Variants in MYO18B observed in about 807,000 individuals in gnomAD.
The protein encoded by MYO18B is unconventional myosin-XVIIIb.
A neutral mutation model predicts 273.0 loss-of-function variants in MYO18B; 204 were observed. The observed-to-expected ratio is 0.75, with a 90% CI of 0.67 to 0.84. MYO18B has a LOEUF of 0.84. Ranked by LOEUF, MYO18B falls within the 40% of genes least tolerant of loss-of-function variation. The probability of loss-of-function intolerance (pLI) is 0.00; values close to 1 mark genes in which losing one functional copy is unlikely to be tolerated. For missense variants in MYO18B, 3,212 were observed against 3,287.6 expected (o/e 0.98, Z 0.56); for synonymous variants, 1,330 against 1,305.7 (o/e 1.02, Z -0.40).
In MYO18B at chr22:25,898,458, A is replaced by G. The variant is rs1420535449; in HGVS notation, c.4820A>G (p.Lys1607Arg). The G allele has an allele frequency of 6.2e-7, 1 of 1,613,524 alleles. No homozygotes were observed. Among genetic ancestry groups the G allele is most frequent in the African/African-American group, 1.3e-5 (1 of 75,032 alleles). ...AACCATGAGCTGGAGAAGAAGCAGAAGAAGTGAGTTGCATCTCTCACCATC... is the reference window on the plus strand; with the variant it reads ...AACCATGAGCTGGAGAAGAAGCAGAGGAAGTGAGTTGCATCTCTCACCATC... ...SRNHELEKKQ[K>R]KFDLQLAQAL... The change falls in exon 29 of 44, where the codon AAG (lysine) becomes AGG (arginine). Residue 1607 changes from lysine (K) to arginine (R), a missense_variant. Physicochemically the swap from Lys to Arg is conservative, Grantham distance 26. Transcript: ENST00000335473.
chr22:25,761,403 G>A (rs950444079), intron 2 of MYO18B, among the ~76,000 whole-genome samples: 8 of 152,036 alleles, frequency 5.3e-5, no homozygotes, highest in Non-Finnish European at 1.2e-4. Flanking sequence ...GTGGTGGGGG[G>A]TGGTAGACCA....
chr22:25,899,700 T>A (rs1224539398), intron 29 of MYO18B: 1 of 152,112 alleles, frequency 6.6e-6, no homozygotes, highest in African/African-American at 2.4e-5. Context: ...CTGTGGGTGC[T>A]CTGGCTGAAC....
In MYO18B at chr22:25,994,782, G is replaced by A. The variant is rs377068446; in HGVS notation, c.6287+2289G>A. ...CTTTTGTCAATATTACTTGTTTGATGCTTGGGCTGGCTTCTCCATTCATAG... is the reference window on the plus strand; with the variant it reads ...CTTTTGTCAATATTACTTGTTTGATACTTGGGCTGGCTTCTCCATTCATAG... On this transcript the variant is annotated intron_variant, in intron 40 of 43. Transcript: ENST00000335473. Among the ~76,000 whole-genome samples the A allele has an allele frequency of 1.0e-3, 155 of 152,334 alleles. 4 individuals are homozygous for A. In the South Asian group the frequency reaches 0.031, roughly 31 times the overall value.
intron 29 of MYO18B, among the ~76,000 whole-genome samples, chr22:25,902,334 TTATAAG>T (rs977123320): frequency 1.6e-4 from 25 of 152,284 alleles, no homozygotes; most frequent in African/African-American, 5.3e-4. Context: ...AAATCTAGAA[TTATAAG>T]TATATCGAAT....
chr22:25,915,046 T>A lies in MYO18B; in HGVS notation c.5364+3996T>A, dbSNP rs371749717. ...GGGGCAACAAAGATCTCAACAAATTTAAAAAAAAAAATGTTATACTTTCTA... is the reference window on the plus strand; with the variant it reads ...GGGGCAACAAAGATCTCAACAAATTAAAAAAAAAAAATGTTATACTTTCTA... On this transcript the variant is annotated intron_variant, in intron 33 of 43. Transcript: ENST00000335473. Among the ~76,000 whole-genome samples the A allele has an allele frequency of 3.5e-3, 512 of 148,288 alleles. 1 individual carries two copies. Among genetic ancestry groups the A allele is most frequent in the African/African-American group, 0.011 (438 of 40,342 alleles).
the MYO18B span, among the ~76,000 whole-genome samples, chr22:26,051,254 C>T: frequency 1.5e-4 from 18 of 120,752 alleles, no homozygotes; most frequent in South Asian, 3.1e-3. Context: ...GACGGAGTCT[C>T]GCTCTGTTGC....
At chr22:26,062,813 G>A in the MYO18B span, among the ~76,000 whole-genome samples, 1 of 152,132 alleles carries the variant, frequency 6.6e-6, no homozygotes, top group African/African-American at 2.4e-5. Context: ...CCTGTGCTTG[G>A]TATTCTGTCC....
At chr22:25,798,898 A>G (rs1378210912) in intron 12 of MYO18B, among the ~76,000 whole-genome samples, 1 of 151,930 alleles carries the variant, frequency 6.6e-6, no homozygotes. Context: ...CATCCTGGAG[A>G]TGTTCCCTGC....
intron 12 of MYO18B, among the ~76,000 whole-genome samples, chr22:25,798,464 T>TAGCC (rs1385415639): frequency 6.6e-6 from 1 of 152,210 alleles, no homozygotes; most frequent in Non-Finnish European, 1.5e-5. Flanking sequence ...TAGTCATAGG[T>TAGCC]AGCCAGTGGC....
intron 10 of MYO18B, among the ~76,000 whole-genome samples, chr22:25,782,085 T>C (rs937919900): frequency 1.3e-5 from 2 of 152,076 alleles, no homozygotes; most frequent in African/African-American, 4.8e-5. Context: ...ATAGACCTTA[T>C]AGGATTAAGA....
At chr22:25,812,448 T>C (rs2145835384) in intron 12 of MYO18B, among the ~76,000 whole-genome samples, 1 of 152,294 alleles carries the variant, frequency 6.6e-6, no homozygotes, top group East Asian at 1.9e-4. Context: ...TACATTTACT[T>C]CCCCTACATT....
chr22:25,769,860 T>A (rs1317779519), intron 4 of MYO18B, among the ~76,000 whole-genome samples: 1 of 113,288 alleles, frequency 8.8e-6, no homozygotes, highest in Non-Finnish European at 1.8e-5. Flanking sequence ...TTATGTAGTA[T>A]TTTTTTTTTT....
intron 33 of MYO18B, among the ~76,000 whole-genome samples, chr22:25,919,214 C>T (rs903198438): frequency 4.6e-5 from 7 of 152,156 alleles, no homozygotes; most frequent in African/African-American, 1.7e-4. Context: ...CCATCCCAGC[C>T]TGAGCTGGGT....
At chr22:26,034,430 T>C (rs1936738986), downstream of MYO18B, among the ~76,000 whole-genome samples, 1 of 152,184 alleles carries the variant, frequency 6.6e-6, no homozygotes, top group Non-Finnish European at 1.5e-5. Context: ...GGAAAATAGG[T>C]CTAAACTAGT....
rs76433313 is a variant in MYO18B, at chr22:25,875,719, C to T, written c.4081-470C>T. Among the ~76,000 whole-genome samples the T allele has an allele frequency of 9.4e-3, 1,425 of 152,312 alleles. 13 individuals are homozygous for T. Among genetic ancestry groups the T allele is most frequent in the African/African-American group, 0.031 (1,305 of 41,568 alleles). On this transcript the variant is annotated intron_variant, in intron 23 of 43. Coordinates refer to ENST00000335473, the MANE Select transcript of MYO18B (RefSeq NM_032608.7). ...CTGATGCACATTCAAGTTTGAGAAG[C>T]ATGAAATTACTGTTTAAATACACTG...
chr22:25,919,690 G>A (rs1381587407), intron 33 of MYO18B, among the ~76,000 whole-genome samples: 3 of 151,748 alleles, frequency 2.0e-5, no homozygotes, highest in African/African-American at 4.9e-5. Flanking sequence ...GTGTGTGTGT[G>A]TGTGTGTGTG....
the MYO18B span, among the ~76,000 whole-genome samples, chr22:26,045,195 C>T: frequency 6.6e-6 from 1 of 151,938 alleles, no homozygotes. Context: ...CATGGAAACA[C>T]ACCTGGGCTG....
the MYO18B span, among the ~76,000 whole-genome samples, chr22:26,051,717 G>A: frequency 6.6e-6 from 1 of 152,092 alleles, no homozygotes; most frequent in African/African-American, 2.4e-5. Flanking sequence ...GTGATTTCTT[G>A]TTATCTTTCC....
At chr22:25,841,504 G>A (rs2090081894) in intron 17 of MYO18B, among the ~76,000 whole-genome samples, 1 of 152,154 alleles carries the variant, frequency 6.6e-6, no homozygotes, top group South Asian at 2.1e-4. Context: ...GACAGAGGCA[G>A]GCTTTTGGAC....
Sources: allele counts gnomAD v4.1 joint callset (sites outside exome capture counted in the v4.1 genomes callset), GRCh38; gene constraint gnomAD v4.1.1; transcripts MANE v1.5; gene names NCBI Gene and HGNC (gene_info 2026-07-23, HGNC 2026-07-21).